SNED1: variants seen among roughly 807,000 people sequenced by gnomAD.
The protein encoded by SNED1 is sushi, nidogen and EGF-like domain-containing protein 1.
A neutral mutation model predicts 166.7 loss-of-function variants in SNED1; 81 were observed. The observed-to-expected ratio is 0.49, with a 90% confidence interval of 0.41 to 0.58. SNED1 has a LOEUF of 0.58. SNED1 is among the 20% of genes least tolerant of loss of function. SNED1 has a pLI of 0.00. For missense variants in SNED1, 1,604 were observed against 2,000.2 expected, an observed-to-expected ratio of 0.80 and a Z score of 3.78; for synonymous variants, 762 against 822.0, an observed-to-expected ratio of 0.93 and a Z score of 1.25.
At chr2:241,009,712 C>T (rs1013261530) in intron 1 of SNED1, among the ~76,000 whole-genome samples, 3 of 152,130 alleles carry the variant, frequency 2.0e-5, no homozygotes, top group African/African-American at 7.2e-5. Flanking sequence ...CAGATGTCCC[C>T]TCCTCCAGGA....
At chr2:241,089,373 A>C in intron 31 of SNED1, 4 of 1,550,734 alleles carry the variant, frequency 2.6e-6, no homozygotes, top group Non-Finnish European at 3.5e-6. Context: ...TGCCTAAAAA[A>C]ATAAAGGAGA....
chr2:241,034,423 T>C (rs1032447356), intron 3 of SNED1, 145 bp from the exon 4 acceptor site: 41 of 759,900 alleles, frequency 5.4e-5, no homozygotes, highest in Non-Finnish European at 8.3e-5. Flanking sequence ...AGCCCTCTCC[T>C]TGGCTCCCAG....
intron 31 of SNED1, chr2:241,089,470 C>T: frequency 1.3e-6 from 2 of 1,527,578 alleles, no homozygotes; most frequent in Non-Finnish European, 8.8e-7. Context: ...AGAGTGTCCA[C>T]ACCCCCTTGG....
chr2:241,065,686 G>A (rs556725151), intron 21 of SNED1, 91 bp downstream of exon 21: 39 of 1,110,210 alleles, frequency 3.5e-5, no homozygotes, highest in African/African-American at 4.7e-5. Flanking sequence ...CTGTCATGCC[G>A]TCCACCCTCC....
chr2:241,014,143 G>A lies in SNED1; in HGVS notation c.213+15093G>A, dbSNP rs575450042. Among the ~76,000 whole-genome samples, 5 of 152,156 alleles carry A rather than the reference G, an allele frequency of 3.3e-5. No individual in the cohort carries two copies. The East Asian group carries it at 5.8e-4, about 18-fold the overall frequency. ...TGTGCCTCAGCCTCCCAAGTAGCTA[G>A]GATTACAACTGCATGCCACCATGCC... On this transcript the variant is annotated intron_variant, in intron 1 of 31. Coordinates refer to ENST00000310397, the MANE Select transcript of SNED1 (RefSeq NM_001080437.3).
rs932821985 is a variant in SNED1 at position 241,054,079 on chromosome 2, G to A, written c.2257+753G>A. On this transcript the variant is annotated intron_variant, in intron 16 of 31. Transcript: ENST00000310397. ...AAGGCCAACCTGCGTGGTCTCAGGCGAAGGGTTCTGGGAACACCTGGCTTC... is the reference window on the plus strand; with the variant it reads ...AAGGCCAACCTGCGTGGTCTCAGGCAAAGGGTTCTGGGAACACCTGGCTTC... 5.3e-5 allele frequency among the ~76,000 whole-genome samples: 8 copies of A among 152,220 alleles called. 1 individual carries two copies. In the South Asian group the frequency reaches 6.2e-4, roughly 12 times the overall value.
chr2:241,007,089 G>A (rs1316536889), intron 1 of SNED1, among the ~76,000 whole-genome samples: 1 of 152,172 alleles, frequency 6.6e-6, no homozygotes, highest in Non-Finnish European at 1.5e-5. Flanking sequence ...AAATGAGGGG[G>A]AAAACAGTAT....
Position 241,013,822 on chromosome 2 carries a change from A to G in SNED1, c.213+14772A>G, listed in dbSNP as rs2060491585. 6.6e-6 allele frequency among the ~76,000 whole-genome samples: 1 copy of G among 152,040 alleles called. No individual in the cohort carries two copies. The highest frequency in any genetic ancestry group is 2.4e-5 in the African/African-American group (1 of 41,376). On this transcript the variant is annotated intron_variant, in intron 1 of 31. Coordinates refer to ENST00000310397, the MANE Select transcript of SNED1 (RefSeq NM_001080437.3). This position sits in a 1 kb window ranked among gnomAD's most constrained non-coding sequence, Gnocchi z 4.6. Reference sequence around the variant, plus strand: ...TGTATATATACACCACATTTTGTTTATCCATTCATCCGTCAGCAAACACTT... The same window carrying G: ...TGTATATATACACCACATTTTGTTTGTCCATTCATCCGTCAGCAAACACTT...
Position 241,072,868 on chromosome 2 carries a change from A to G in SNED1, c.3818-398A>G, listed in dbSNP as rs2062804577. The G allele has an allele frequency of 7.7e-6, 2 of 261,358 alleles. 1 individual carries two copies. Among genetic ancestry groups the G allele is most frequent in the South Asian group, 1.5e-4 (2 of 13,294 alleles). 16.2% of individuals were successfully genotyped at this position (261,358 alleles called of 1,614,324 possible). Reference sequence around the variant, plus strand: ...GAGGGCATGAGGAAGGTCAGTACAGACTGAGGGCAGCTCAGAAAGAGCAGG... The same window carrying G: ...GAGGGCATGAGGAAGGTCAGTACAGGCTGAGGGCAGCTCAGAAAGAGCAGG... On this transcript the variant is annotated intron_variant, in intron 26 of 31. Coordinates refer to ENST00000310397, the MANE Select transcript of SNED1 (RefSeq NM_001080437.3).
At chr2:241,065,150 G>A (rs1414213254) in intron 20 of SNED1, 149 bp from the exon 21 acceptor site, 2 of 857,092 alleles carry the variant, frequency 2.3e-6, no homozygotes, top group Non-Finnish European at 3.6e-6. Context: ...CCCTCCTGGA[G>A]GTACGTGGCC....
chr2:241,061,972 G>A (rs966643875), intron 16 of SNED1, among the ~76,000 whole-genome samples: 7 of 152,128 alleles, frequency 4.6e-5, no homozygotes, highest in Admixed American at 2.0e-4. Flanking sequence ...ATGTTATTCA[G>A]CAGTGAAAAT....
Position 241,081,585 on chromosome 2 carries a change from A to ATCGGG in SNED1, c.3917-90_3917-89insGGGTC, listed in dbSNP as rs1559309358. Reference sequence around the variant, plus strand: ...ACAGAGGAGTGCACGGCCACCCTGCATCAGGTCATCAAGGAAGGGACAGCA... The same window carrying ATCGGG: ...ACAGAGGAGTGCACGGCCACCCTGCATCGGGTCAGGTCATCAAGGAAGGGACAGCA... On this transcript the variant is annotated intron_variant, in intron 27 of 31. Transcript: ENST00000310397. 18 of 927,780 alleles carry ATCGGG rather than the reference A, an allele frequency of 1.9e-5. No homozygotes were observed. The East Asian group carries it at 4.9e-4, about 25-fold the overall frequency. The allele number at this position is 927,780 out of a possible 1,614,324, so 57.5% of individuals were successfully genotyped here.
At chr2:241,040,499 C>A in intron 8 of SNED1, 86 bp downstream of exon 8, 1 of 841,112 alleles carries the variant, frequency 1.2e-6, no homozygotes, top group Non-Finnish European at 1.8e-6. Context: ...CCCTTCCTTC[C>A]TTGCCATCTG....
At chr2:241,071,455 C>T (rs2062711014) in intron 24 of SNED1, 121 bp from the exon 25 acceptor site, 8 of 1,201,348 alleles carry the variant, frequency 6.7e-6, no homozygotes, top group South Asian at 1.4e-5. Flanking sequence ...GGCCCACGCA[C>T]ATGCCCCCCT....
intron 27 of SNED1, among the ~76,000 whole-genome samples, chr2:241,077,078 C>CAA (rs377757851): frequency 0.034 from 3,871 of 114,452 alleles, 75 homozygotes; most frequent in Non-Finnish European, 0.046. Flanking sequence ...GACTCCGTCT[C>CAA]AAAAAAAAAA....
chr2:241,090,081 T>A, intron 31 of SNED1: 4 of 1,511,496 alleles, frequency 2.6e-6, no homozygotes, highest in Non-Finnish European at 3.5e-6. Flanking sequence ...ACTGTAACTT[T>A]TTTACTTTAT....
Position 241,033,881 on chromosome 2 carries a change from C to G in SNED1, c.642+6C>G, listed in dbSNP as rs577220232. 1.4e-5 allele frequency: 23 copies of G among 1,590,928 alleles called. No individual in the cohort carries two copies. The Admixed American group carries it at 3.7e-4, about 25-fold the overall frequency. On this transcript the variant is annotated splice_donor_region_variant and intron_variant, in intron 3 of 31. Transcript: ENST00000310397. ...TCGGGGGCATCGCAGCCCAGGTAGG[C>G]GAGTGCAGTCGGTGCTCTGTGTTCA...
Position 240,999,600 on chromosome 2 carries a change from G to A in SNED1, c.213+550G>A, listed in dbSNP as rs1266300972. Among the ~76,000 whole-genome samples the A allele has an allele frequency of 6.6e-6, 1 of 152,204 alleles. No homozygotes were observed. Among genetic ancestry groups the A allele is most frequent in the African/African-American group, 2.4e-5 (1 of 41,462 alleles). On this transcript the variant is annotated intron_variant, in intron 1 of 31. Transcript: ENST00000310397. This position sits in a 1 kb window ranked among gnomAD's most constrained non-coding sequence, Gnocchi z 5.8. Reference sequence around the variant, plus strand: ...ACCCTCCTAGGCGGGCTAGCAACAGGCTTGCCCCTCCCTGCCGTCCTCTCC... The same window carrying A: ...ACCCTCCTAGGCGGGCTAGCAACAGACTTGCCCCTCCCTGCCGTCCTCTCC...
rs201696513 is a variant in SNED1 at position 241,053,263 on chromosome 2, G to T, written c.2194G>T (p.Ala732Ser). The T allele has an allele frequency of 5.0e-6, 8 of 1,602,164 alleles. 1 individual carries two copies. In the Admixed American group the frequency reaches 5.0e-5, roughly 10 times the overall value. The part of the protein sequence containing the change: ...YACDRGYSLS[A>S]PSRIRVCQPH... ...ATGTGACCGTGGCTACAGCCTGAGC[G>T]CCCCCAGCCGCATCCGGGTCTGCCA... Residue 732 changes from alanine to serine, a missense_variant, in exon 16 of 32, where the codon GCC (alanine) becomes TCC (serine). Physicochemically the swap from Ala to Ser is moderately conservative, Grantham distance 99. Around this residue, in one of 2 missense-constraint regions of SNED1, gnomAD observed 1,237 missense variants for 1,620.8 expected, o/e 0.76. Coordinates refer to ENST00000310397, the MANE Select transcript of SNED1 (RefSeq NM_001080437.3).
Sources: allele counts gnomAD v4.1 joint callset (sites outside exome capture counted in the v4.1 genomes callset), GRCh38; gene constraint gnomAD v4.1.1; regional missense constraint gnomAD v4.1.1; non-coding constraint Gnocchi (gnomAD v3.1); transcripts MANE v1.5; gene names NCBI Gene and HGNC (gene_info 2026-07-23, HGNC 2026-07-21).